Variants in GPR160 observed in about 807,000 individuals in gnomAD.
GPR160 encodes probable G protein-coupled receptor 160.
GPR160 carries 2 observed loss-of-function variants against 2.6 expected under a neutral mutation model. The ratio of observed to expected loss-of-function variants is 0.77; its 90% confidence interval spans 0.32 to 2.44. The LOEUF (loss-of-function observed/expected upper bound fraction) is 2.44. Among genes scored for constraint, GPR160 ranks in the 30% most tolerant of loss-of-function variants. GPR160 has a pLI of 0.11. For synonymous variants in GPR160, 130 were observed against 132.2 expected, an observed-to-expected ratio of 0.98 and a Z score of 0.12; for missense variants, 351 against 383.6, an observed-to-expected ratio of 0.91 and a Z score of 0.71.
At chr3:170,080,393 G>T (rs114498922) in intron 3 of GPR160, among the ~76,000 whole-genome samples, 1 of 152,022 alleles carries the variant, frequency 6.6e-6, no homozygotes, top group Non-Finnish European at 1.5e-5. Context: ...TCTTCCTTTC[G>T]CTTTTTATTG....
chr3:170,084,432 G>A lies in GPR160; in HGVS notation c.460G>A (p.Val154Ile). 3 of 1,611,698 alleles carry A rather than the reference G, an allele frequency of 1.9e-6. No individual in the cohort carries two copies. The highest frequency in any genetic ancestry group is 2.5e-6 in the Non-Finnish European group (3 of 1,177,852). Reference sequence around the variant, plus strand: ...AATTTGGATTTCAGTCCTTGCTTATGTTTTGGGAGACCCAGCCATCTACCA... The same window carrying A: ...AATTTGGATTTCAGTCCTTGCTTATATTTTGGGAGACCCAGCCATCTACCA... ...ILIWISVLAY[V>I]LGDPAIYQSL... Residue 154 changes from valine (V) to isoleucine (I), a missense_variant, in exon 4 of 4, where the codon GTT becomes ATT. By Grantham distance (29) the Val-to-Ile change is conservative. Coordinates refer to ENST00000355897, the MANE Select transcript of GPR160 (RefSeq NM_014373.3).
chr3:170,040,582 C>T (rs116833375), intron 2 of GPR160, among the ~76,000 whole-genome samples: 1 of 152,110 alleles, frequency 6.6e-6, no homozygotes, highest in African/African-American at 2.4e-5. Context: ...TGATTGCCTC[C>T]GGTCGGGCGG....
At chr3:170,078,241 C>T (rs1559992710) in intron 2 of GPR160, among the ~76,000 whole-genome samples, 1 of 152,128 alleles carries the variant, frequency 6.6e-6, no homozygotes, top group Non-Finnish European at 1.5e-5. Flanking sequence ...CCAGTAACAT[C>T]TTTAACATTA....
chr3:170,065,565 T>C (rs73030607), intron 2 of GPR160, among the ~76,000 whole-genome samples: 4,183 of 152,326 alleles, frequency 0.027, 180 homozygotes, highest in African/African-American at 0.095. Context: ...ATGCCTTTCT[T>C]TCATTGGCTT....
chr3:170,081,402 T>G (rs1231265518), intron 3 of GPR160, among the ~76,000 whole-genome samples: 1 of 152,250 alleles, frequency 6.6e-6, no homozygotes, highest in African/African-American at 2.4e-5. Flanking sequence ...TGGGAAGTAC[T>G]TGTTTGATTG....
rs116320437 is a variant in GPR160 at position 170,063,643 on chromosome 3, G to A, written c.-192-16131G>A. 4.4e-3 allele frequency among the ~76,000 whole-genome samples: 664 copies of A among 150,964 alleles called. 3 individuals are homozygous for A. Among genetic ancestry groups the A allele is most frequent in the African/African-American group, 0.015 (632 of 40,980 alleles). On this transcript the variant is annotated intron_variant, in intron 2 of 3. Transcript: ENST00000355897. Reference sequence around the variant, plus strand: ...CGAGTCTCCTCTCTCCGGTGGAAGAGCTGGGACGTGTCCCCCACACCGCGA... The same window carrying A: ...CGAGTCTCCTCTCTCCGGTGGAAGAACTGGGACGTGTCCCCCACACCGCGA...
chr3:170,039,212 C>T (rs1716338705), intron 2 of GPR160, among the ~76,000 whole-genome samples, 169 bp downstream of exon 2: 1 of 152,236 alleles, frequency 6.6e-6, no homozygotes, highest in Middle Eastern at 3.4e-3. Context: ...ATACATTTGA[C>T]AAGCTCTAAG....
chr3:170,085,129 G>T lies in GPR160; in HGVS notation c.*140G>T. On this transcript the variant is annotated 3_prime_UTR_variant, in exon 4 of 4. Coordinates refer to ENST00000355897, the MANE Select transcript of GPR160 (RefSeq NM_014373.3). The stretch of plus-strand genomic sequence containing the variant: ...GCATTTCAGAATGTGTCTTTTGAAG[G>T]GCTATGATACCAGTTATTAAATAGT... The T allele has an allele frequency of 4.2e-6, 2 of 472,180 alleles. No homozygotes were observed. The highest frequency in any genetic ancestry group is 2.0e-5 in the African/African-American group (1 of 49,340). The allele number at this position is 472,180 out of a possible 1,614,324, so 29.2% of individuals were successfully genotyped here.
intron 2 of GPR160, among the ~76,000 whole-genome samples, chr3:170,060,619 A>G (rs1001435103): frequency 2.6e-5 from 4 of 151,978 alleles, no homozygotes; most frequent in African/African-American, 9.7e-5. Flanking sequence ...TTAAAAAAAA[A>G]TTAACTGGGC....
At chr3:170,067,652 C>T (rs1391865259) in intron 2 of GPR160, among the ~76,000 whole-genome samples, 1 of 152,000 alleles carries the variant, frequency 6.6e-6, no homozygotes, top group African/African-American at 2.4e-5. Context: ...TCCCTCGCTT[C>T]CCCCAAAATA....
chr3:170,051,687 T>C (rs894837189), intron 2 of GPR160, among the ~76,000 whole-genome samples: 9 of 152,090 alleles, frequency 5.9e-5, no homozygotes, highest in African/African-American at 2.2e-4. Flanking sequence ...ATCGTACCAC[T>C]GCACTCCAGC....
rs565604670 is a variant in GPR160, at chr3:170,047,060, C to G, written c.-193+8017C>G. ...GCAGGGCAGAGGTCTCCCCTGTCGA[C>G]AGCCCTTGCCTGGTCCCCTTCAGCA... On this transcript the variant is annotated intron_variant, in intron 2 of 3. Coordinates refer to ENST00000355897, the MANE Select transcript of GPR160 (RefSeq NM_014373.3). Among the ~76,000 whole-genome samples, 12 of 152,336 alleles carry G rather than the reference C, an allele frequency of 7.9e-5. No homozygotes were observed. In the South Asian group the frequency reaches 2.5e-3, roughly 32 times the overall value.
At chr3:170,048,007 T>G (rs2287482) in intron 2 of GPR160, among the ~76,000 whole-genome samples, 20,455 of 152,056 alleles carry the variant, frequency 0.13, 1,463 homozygotes, top group East Asian at 0.24. Context: ...CCAGGTAATT[T>G]TTGTAGCGAC....
At chr3:170,063,850 G>A (rs1454548881) in intron 2 of GPR160, among the ~76,000 whole-genome samples, 1 of 152,134 alleles carries the variant, frequency 6.6e-6, no homozygotes, top group Non-Finnish European at 1.5e-5. Flanking sequence ...CCTGAGCGCG[G>A]GCCGGCATAG....
chr3:170,065,210 T>G (rs896110613), intron 2 of GPR160, among the ~76,000 whole-genome samples: 3 of 152,252 alleles, frequency 2.0e-5, no homozygotes, highest in African/African-American at 7.2e-5. Flanking sequence ...TACATTACAA[T>G]TACATTTCCT....
intron 2 of GPR160, among the ~76,000 whole-genome samples, chr3:170,066,345 T>C (rs1393942856): frequency 2.6e-5 from 4 of 151,928 alleles, no homozygotes; most frequent in South Asian, 2.1e-4. Flanking sequence ...TTCACCATGT[T>C]AGCCAGGATG....
intron 2 of GPR160, among the ~76,000 whole-genome samples, chr3:170,050,431 G>A (rs1046802342): frequency 6.8e-5 from 10 of 146,786 alleles, no homozygotes; most frequent in African/African-American, 1.8e-4. Flanking sequence ...TTTTTGAGAC[G>A]GAGTTTTGCT....
intron 2 of GPR160, among the ~76,000 whole-genome samples, chr3:170,042,686 TAATA>T (rs1716508568): frequency 6.8e-6 from 1 of 147,320 alleles, no homozygotes; most frequent in Non-Finnish European, 1.5e-5. Flanking sequence ...AATAAATAAA[TAATA>T]ATAATAATAA....
At chr3:170,054,679 A>T (rs1311845399) in intron 2 of GPR160, among the ~76,000 whole-genome samples, 2 of 152,178 alleles carry the variant, frequency 1.3e-5, no homozygotes, top group East Asian at 3.9e-4. Flanking sequence ...GAATTTGATT[A>T]TTCTAGGTAC....
Sources: gnomAD v4.1 joint callset for allele counts (sites outside exome capture counted in the v4.1 genomes callset) on GRCh38, gnomAD v4.1.1 for gene constraint, MANE v1.5 for transcripts, NCBI Gene and HGNC (gene_info 2026-07-23, HGNC 2026-07-21) for gene names.